The following PSMF1 variants were observed in gnomAD, a reference collection of about 807,000 sequenced individuals.
PSMF1 encodes the protein proteasome inhibitor subunit 1.
Under a neutral mutation model 29.3 loss-of-function variants are expected in PSMF1, and 30 were observed. The ratio of observed to expected loss-of-function variants is 1.02; its 90% CI spans 0.77 to 1.39. The LOEUF (loss-of-function observed/expected upper bound fraction) is 1.39, where lower values mean the gene tolerates loss of function less well. Ranked by LOEUF, PSMF1 falls within the 40% of genes most tolerant of loss-of-function variation. The pLI is 0.00. For synonymous variants in PSMF1, 134 were observed against 139.7 expected, an observed-to-expected ratio of 0.96 and a Z score of 0.29; for missense variants, 344 against 357.5, an observed-to-expected ratio of 0.96 and a Z score of 0.31.
In PSMF1 at chr20:1,166,398, C is replaced by T; in HGVS notation, c.*1318C>T. ...TTTCTCAGCTCCCTGGATTCCTTCC[C>T]CTAAATTAGGACCTATTATTTACCT... On this transcript the variant is annotated 3_prime_UTR_variant, in exon 7 of 7. Coordinates refer to ENST00000335877, the MANE Select transcript of PSMF1 (RefSeq NM_006814.5). 2.2e-6 allele frequency: 2 copies of T among 929,916 alleles called. No homozygotes were observed. Among genetic ancestry groups the T allele is most frequent in the South Asian group, 1.4e-5 (1 of 70,218 alleles). 57.6% of individuals were successfully genotyped at this position (929,916 alleles called of 1,614,324 possible).
At chr20:1,126,894 A>G (rs2086163728) in intron 2 of PSMF1, among the ~76,000 whole-genome samples, 1 of 152,126 alleles carries the variant, frequency 6.6e-6, no homozygotes, top group South Asian at 2.1e-4. Context: ...AAAACAAAAC[A>G]AAAAGAACCA....
chr20:1,146,315 G>C (rs1318386477), intron 4 of PSMF1, among the ~76,000 whole-genome samples: 4 of 151,222 alleles, frequency 2.6e-5, no homozygotes, highest in Non-Finnish European at 4.4e-5. Context: ...TAGGGAGAAG[G>C]TTGTTCCAGG....
Position 1,164,408 on chromosome 20 carries a change from TC to T in PSMF1, c.698del (p.Pro233LeufsTer105). ...CTTCCTCAGGCCTCCCGAACCGACT[TC>T]CTCCAGGCGCTGTGCCCCCAGGAGC... ...DPSSGLPNRL[P>X]PGAVPPGARF... On this transcript the variant is annotated frameshift_variant, in exon 6 of 7. Transcript: ENST00000335877. LOFTEE classifies it high-confidence loss of function. This position sits in a 1 kb window ranked among gnomAD's most constrained non-coding sequence, Gnocchi z 4.1. 1 of 1,614,178 alleles carries T rather than the reference TC, an allele frequency of 6.2e-7. No homozygotes were observed. The highest frequency in any genetic ancestry group is 8.5e-7 in the Non-Finnish European group (1 of 1,180,022).
intron 1 of PSMF1, among the ~76,000 whole-genome samples, 191 bp from the exon 2 acceptor site, chr20:1,125,307 T>C (rs1247874506): frequency 6.6e-6 from 1 of 152,200 alleles, no homozygotes; most frequent in Non-Finnish European, 1.5e-5. Flanking sequence ...GAGAGCGCAG[T>C]AGAACAGAAG....
At chr20:1,156,231 A>G (rs555558213) in intron 4 of PSMF1, among the ~76,000 whole-genome samples, 1 of 152,308 alleles carries the variant, frequency 6.6e-6, no homozygotes, top group South Asian at 2.1e-4. Context: ...CAACAGAGAG[A>G]AAAAAAGATT....
intron 3 of PSMF1, 124 bp downstream of exon 3, chr20:1,127,632 G>A: frequency 2.6e-6 from 2 of 768,298 alleles, no homozygotes; most frequent in Admixed American, 2.5e-5. Context: ...TTATTTCTGG[G>A]CACAACTTCC....
chr20:1,133,378 A>G (rs1019384737), intron 3 of PSMF1, among the ~76,000 whole-genome samples: 8 of 150,732 alleles, frequency 5.3e-5, no homozygotes, highest in Non-Finnish European at 8.9e-5. Context: ...TAGCTTATTG[A>G]TATGGTAGAT....
At chr20:1,127,804 A>G (rs922644275) in intron 3 of PSMF1, among the ~76,000 whole-genome samples, 27 of 152,170 alleles carry the variant, frequency 1.8e-4, no homozygotes, top group African/African-American at 6.5e-4. Flanking sequence ...TCCTGGGAGG[A>G]TGTGTGCCTC....
Position 1,125,636 on chromosome 20 carries a change from A to G in PSMF1, c.268A>G (p.Ile90Val), listed in dbSNP as rs2086145718. ...AGCCATCACCGTGGAGAGCAGCATG[A>G]TCCTCAATGTGCTGGTGAGTCTCTG... ...VKAITVESSM[I>V]LNVLEYGSQQ... Residue 90 changes from isoleucine to valine, a missense_variant, in exon 2 of 7, where the codon ATC (isoleucine) becomes GTC (valine). By Grantham distance (29) the Ile-to-Val change is conservative. Transcript: ENST00000335877. 2 of 1,612,572 alleles carry G rather than the reference A, an allele frequency of 1.2e-6. No individual in the cohort carries two copies. The highest frequency in any genetic ancestry group is 2.2e-5 in the South Asian group (2 of 90,884).
rs2086708787 is a variant in PSMF1 at position 1,164,829 on chromosome 20, C to G, written c.765-200C>G. Among the ~76,000 whole-genome samples the G allele has an allele frequency of 6.6e-6, 1 of 152,128 alleles. No individual in the cohort carries two copies. ...TTTTATAGATGCAGAAAATGAGGCC[C>G]TGAAAGATTAGGTAACTTATACCAA... On this transcript the variant is annotated intron_variant, in intron 6 of 6. Coordinates refer to ENST00000335877, the MANE Select transcript of PSMF1 (RefSeq NM_006814.5). The surrounding 1 kb of genome is among the most constrained non-coding windows in gnomAD (Gnocchi z 4.1).
In PSMF1 at chr20:1,135,367, C is replaced by T. The variant is rs1320449684; in HGVS notation, c.551+61C>T. The T allele has an allele frequency of 4.7e-6, 7 of 1,482,046 alleles. No homozygotes were observed. The African/African-American group carries it at 5.6e-5, about 12-fold the overall frequency. The allele number at this position is 1,482,046 out of a possible 1,614,324, so 91.8% of individuals were successfully genotyped here. Reference sequence around the variant, plus strand: ...CTGTAGAGGGATTCCAGCCAGCTATCCCCATCCTGCCACTTGACCCCATCC... The same window carrying T: ...CTGTAGAGGGATTCCAGCCAGCTATTCCCATCCTGCCACTTGACCCCATCC... On this transcript the variant is annotated intron_variant, in intron 4 of 6. Transcript: ENST00000335877.
chr20:1,135,959 C>A (rs1201807455), intron 4 of PSMF1, among the ~76,000 whole-genome samples: 1 of 152,112 alleles, frequency 6.6e-6, no homozygotes, highest in Non-Finnish European at 1.5e-5. Context: ...TACTGTGATA[C>A]CATACTGTTG....
intron 1 of PSMF1, among the ~76,000 whole-genome samples, chr20:1,122,642 C>T (rs1050734485): frequency 2.6e-5 from 4 of 152,172 alleles, no homozygotes; most frequent in Admixed American, 1.3e-4. Flanking sequence ...AACCACGTGA[C>T]TGTGTACTTA....
chr20:1,114,563 G>A (rs1417327039), upstream of PSMF1, among the ~76,000 whole-genome samples: 11 of 104,392 alleles, frequency 1.1e-4, no homozygotes, highest in African/African-American at 4.2e-4. Context: ...ACAACCAACT[G>A]TATGCAAACC....
rs767685999 is a variant in PSMF1 at position 1,166,177 on chromosome 20, C to T, written c.*1097C>T. Reference sequence around the variant, plus strand: ...TTCGGGAGGAGCAGGGAGCCCTGCACCTTGTGTCCTGGCCCACCTGACCTT... The same window carrying T: ...TTCGGGAGGAGCAGGGAGCCCTGCATCTTGTGTCCTGGCCCACCTGACCTT... On this transcript the variant is annotated 3_prime_UTR_variant, in exon 7 of 7. Transcript: ENST00000335877. 1.4e-5 allele frequency: 23 copies of T among 1,608,260 alleles called. No individual in the cohort carries two copies. The highest frequency in any genetic ancestry group is 1.9e-5 in the Non-Finnish European group (22 of 1,178,054).
intron 3 of PSMF1, among the ~76,000 whole-genome samples, chr20:1,132,393 A>G (rs977067779): frequency 6.6e-6 from 1 of 151,770 alleles, no homozygotes; most frequent in Non-Finnish European, 1.5e-5. Context: ...CTCCTGCCTC[A>G]ACCTTCTGAG....
At chr20:1,117,096 C>T (rs954067728), upstream of PSMF1, among the ~76,000 whole-genome samples, 6 of 152,110 alleles carry the variant, frequency 3.9e-5, no homozygotes, top group Admixed American at 3.9e-4. Flanking sequence ...AGAGTGGAGT[C>T]AACTAGCTTT....
rs13433318 is a variant in PSMF1 at position 1,122,557 on chromosome 20, C to T, written c.130-2941C>T. On this transcript the variant is annotated intron_variant, in intron 1 of 6. Transcript: ENST00000335877. ...GCAAGTGATCTGCCTGCCTCTGCCT[C>T]CCAAAGGGCTGGGATTACAGGCAAG... Among the ~76,000 whole-genome samples, 1,231 of 152,290 alleles carry T rather than the reference C, an allele frequency of 8.1e-3. 14 individuals are homozygous for T. Among genetic ancestry groups the T allele is most frequent in the African/African-American group, 0.028 (1,166 of 41,548 alleles).
At position 1,164,575 on chromosome 20, in the gene PSMF1, G is replaced by C; in HGVS notation, c.764+99G>C. The C allele has an allele frequency of 6.7e-7, 1 of 1,483,266 alleles. No homozygotes were observed. The highest frequency in any genetic ancestry group is 1.2e-5 in the South Asian group (1 of 80,940). 91.9% of individuals were successfully genotyped at this position (1,483,266 alleles called of 1,614,324 possible). Reference sequence around the variant, plus strand: ...TTCTAGCCCCAGGCACAGAGCTGCCGCTGCCTTCACCTGTTGCTGCCAGGA... The same window carrying C: ...TTCTAGCCCCAGGCACAGAGCTGCCCCTGCCTTCACCTGTTGCTGCCAGGA... On this transcript the variant is annotated intron_variant, in intron 6 of 6. Transcript: ENST00000335877. This position sits in a 1 kb window ranked among gnomAD's most constrained non-coding sequence, Gnocchi z 4.1.
Sources: gnomAD v4.1 joint callset for allele counts (sites outside exome capture counted in the v4.1 genomes callset) on GRCh38, gnomAD v4.1.1 for gene constraint, Gnocchi (gnomAD v3.1) non-coding constraint, MANE v1.5 for transcripts, NCBI Gene and HGNC (gene_info 2026-07-23, HGNC 2026-07-21) for gene names.